Variants in VAV3 observed in about 807,000 individuals in gnomAD.
VAV3 encodes guanine nucleotide exchange factor VAV3.
VAV3 carries 94 observed loss-of-function variants against 131.2 expected under a neutral mutation model. The observed-to-expected ratio is 0.72, with a 90% CI of 0.61 to 0.85. The LOEUF is 0.85. Ranked by LOEUF, VAV3 falls within the 40% of genes least tolerant of loss-of-function variation. The pLI is 0.00. For missense variants in VAV3, 939 were observed against 1,002.7 expected (o/e 0.94, Z 0.86); for synonymous variants, 349 against 342.0 (o/e 1.02, Z -0.22).
At chr1:107,678,434 C>A (rs763369313) in intron 19 of VAV3, among the ~76,000 whole-genome samples, 18 of 152,100 alleles carry the variant, frequency 1.2e-4, no homozygotes, top group Non-Finnish European at 2.5e-4. Flanking sequence ...TTTACTAAAA[C>A]CTTCAGGAAT....
At chr1:107,840,151 A>C (rs1668634121) in intron 2 of VAV3, among the ~76,000 whole-genome samples, 1 of 152,214 alleles carries the variant, frequency 6.6e-6, no homozygotes, top group African/African-American at 2.4e-5. Flanking sequence ...TTCTCTATAG[A>C]AACTTGTAAA....
chr1:107,672,542 T>C (rs1032773300), intron 19 of VAV3, among the ~76,000 whole-genome samples: 8 of 151,846 alleles, frequency 5.3e-5, no homozygotes, highest in Admixed American at 3.3e-4. Flanking sequence ...ATAAATAAAA[T>C]GTCTGTAACT....
intron 19 of VAV3, among the ~76,000 whole-genome samples, chr1:107,679,299 T>A (rs898533039): frequency 7.9e-5 from 12 of 152,210 alleles, no homozygotes; most frequent in African/African-American, 2.4e-4. Flanking sequence ...ACAATGAGCA[T>A]CTGAGAAACA....
In VAV3 at chr1:107,642,711, G is replaced by T; in HGVS notation, c.1822C>A (p.Pro608Thr). The change falls in exon 20 of 27, where the codon CCC becomes ACC. Residue 608 changes from proline to threonine, a missense_variant. By Grantham distance (38) the Pro-to-Thr change is conservative (BLOSUM62 -1). Coordinates refer to ENST00000370056, the MANE Select transcript of VAV3 (RefSeq NM_006113.5). ...GGGGGTCCTTCATGCAGAGCTGGGG[G>T]TGGTGTTCCAGAATAGTTCCTAATG... ...QVIRNYSGTPPPALHEGPPLQ... is the reference protein window; with the variant it reads ...QVIRNYSGTPTPALHEGPPLQ... 3 of 1,613,460 alleles carry T rather than the reference G, an allele frequency of 1.9e-6. No homozygotes were observed. Among genetic ancestry groups the T allele is most frequent in the East Asian group, 2.2e-5 (1 of 44,848 alleles).
At chr1:107,697,966 T>C (rs1659849494) in intron 17 of VAV3, among the ~76,000 whole-genome samples, 1 of 152,308 alleles carries the variant, frequency 6.6e-6, no homozygotes, top group East Asian at 1.9e-4. Context: ...TCATCACAGA[T>C]CATTCATGTA....
chr1:107,590,942 TG>T (rs1159594331), intron 25 of VAV3, among the ~76,000 whole-genome samples: 1 of 152,196 alleles, frequency 6.6e-6, no homozygotes, highest in East Asian at 1.9e-4. Flanking sequence ...TTTAAGACAA[TG>T]TAAATTAGTT....
At chr1:107,700,216 T>C (rs1334063393) in intron 17 of VAV3, among the ~76,000 whole-genome samples, 1 of 152,246 alleles carries the variant, frequency 6.6e-6, no homozygotes, top group East Asian at 1.9e-4. Flanking sequence ...TTTCATGGTC[T>C]ATGCAGTCAA....
At chr1:107,708,613 T>C (rs993207364) in intron 15 of VAV3, among the ~76,000 whole-genome samples, 2 of 152,132 alleles carry the variant, frequency 1.3e-5, no homozygotes, top group Non-Finnish European at 2.9e-5. Context: ...AGACCTCACT[T>C]TCCCCCTAGC....
At chr1:107,664,379 G>A (rs1657262090) in intron 19 of VAV3, among the ~76,000 whole-genome samples, 1 of 149,850 alleles carries the variant, frequency 6.7e-6, no homozygotes, top group Non-Finnish European at 1.5e-5. Context: ...AGTGTGTGTT[G>A]TTCCTCGCCA....
At chr1:107,595,988 T>C (rs1651347330) in intron 25 of VAV3, among the ~76,000 whole-genome samples, 1 of 152,194 alleles carries the variant, frequency 6.6e-6, no homozygotes, top group South Asian at 2.1e-4. Flanking sequence ...TGCTGGATTT[T>C]TGGACATAAA....
intron 1 of VAV3, among the ~76,000 whole-genome samples, chr1:107,918,798 C>T (rs345311): frequency 0.61 from 91,002 of 150,220 alleles, 29,476 homozygotes; most frequent in Middle Eastern, 0.77. Context: ...CTCTGCCTCC[C>T]GAGTTCAAGC....
At position 107,705,121 on chromosome 1, in the gene VAV3, T is replaced by C. The variant is rs965036661; in HGVS notation, c.1503-60A>G. 1.4e-5 allele frequency: 18 copies of C among 1,295,004 alleles called. No homozygotes were observed. In the African/African-American group the frequency reaches 2.6e-4, roughly 19 times the overall value. 80.2% of individuals were successfully genotyped at this position (1,295,004 alleles called of 1,614,324 possible). ...GTTTCACAACAAAGCTGCAATTTAG[T>C]CATCTAAACCCTAAATTCATCAAAA... On this transcript the variant is annotated intron_variant, in intron 15 of 26. Coordinates refer to ENST00000370056, the MANE Select transcript of VAV3 (RefSeq NM_006113.5).
chr1:107,954,119 G>A (rs1255079845), intron 1 of VAV3, among the ~76,000 whole-genome samples: 1 of 152,044 alleles, frequency 6.6e-6, no homozygotes. Context: ...CACCATGAAG[G>A]GTCTATGTTA....
chr1:107,578,814 C>T (rs1465729047), intron 25 of VAV3: 35 of 984,806 alleles, frequency 3.6e-5, no homozygotes, highest in Admixed American at 6.2e-5. Flanking sequence ...AAATAAAACA[C>T]TATATTTCTC....
chr1:107,727,240 T>C (rs1443889909), intron 15 of VAV3, among the ~76,000 whole-genome samples: 1 of 152,230 alleles, frequency 6.6e-6, no homozygotes, highest in Non-Finnish European at 1.5e-5. Context: ...GTGATAGGGT[T>C]TGGGTTCTTT....
chr1:107,703,152 G>A (rs577107437), intron 17 of VAV3, among the ~76,000 whole-genome samples: 149 of 152,174 alleles, frequency 9.8e-4, no homozygotes, highest in African/African-American at 3.5e-3. Flanking sequence ...AGCCTACTAT[G>A]AGCAAATAAA....
chr1:107,703,417 C>T (rs1056035909), intron 17 of VAV3, among the ~76,000 whole-genome samples: 25 of 152,140 alleles, frequency 1.6e-4, no homozygotes, highest in African/African-American at 4.3e-4. Context: ...ATTCTGAAGA[C>T]GGAATGAGCT....
intron 20 of VAV3, among the ~76,000 whole-genome samples, chr1:107,637,567 G>A (rs1318211181): frequency 6.6e-6 from 1 of 152,296 alleles, no homozygotes; most frequent in African/African-American, 2.4e-5. Flanking sequence ...AGGCTGCAAT[G>A]AGCCGTGATC....
intron 15 of VAV3, among the ~76,000 whole-genome samples, chr1:107,713,163 C>T (rs1011350156): frequency 7.2e-5 from 11 of 152,134 alleles, no homozygotes; most frequent in Non-Finnish European, 1.3e-4. Flanking sequence ...GACAAAATTG[C>T]TGCCTTCATG....
Sources: gnomAD v4.1 joint callset for allele counts (sites outside exome capture counted in the v4.1 genomes callset) on GRCh38, gnomAD v4.1.1 for gene constraint, MANE v1.5 for transcripts, NCBI Gene and HGNC (gene_info 2026-07-23, HGNC 2026-07-21) for gene names.